The following CMPK1 variants were observed in gnomAD, a reference collection of about 807,000 sequenced individuals.
The protein encoded by CMPK1 is cytidine/uridine monophosphate kinase 1.
Under a neutral mutation model 25.7 loss-of-function variants are expected in CMPK1, and 10 were observed. The ratio of observed to expected loss-of-function variants is 0.39; its 90% CI spans 0.24 to 0.66. The LOEUF (loss-of-function observed/expected upper bound fraction) is 0.66. Ranked by LOEUF, CMPK1 falls within the 30% of genes least tolerant of loss-of-function variation. The pLI is 0.48. For missense variants in CMPK1, 199 were observed against 280.5 expected (o/e 0.71, Z 2.08); for synonymous variants, 106 against 101.5 (o/e 1.04, Z -0.27).
chr1:47,368,203 C>CA (rs1172837634), intron 1 of CMPK1, among the ~76,000 whole-genome samples: 1 of 152,092 alleles, frequency 6.6e-6, no homozygotes, highest in African/African-American at 2.4e-5. Context: ...CTCAGCCTCC[C>CA]AAATTGTTGG....
intron 1 of CMPK1, among the ~76,000 whole-genome samples, chr1:47,357,090 A>C (rs974121306): frequency 6.6e-6 from 1 of 151,174 alleles, no homozygotes; most frequent in African/African-American, 2.4e-5. Flanking sequence ...CAGCCTCCTG[A>C]GTAGCTGGGA....
intron 1 of CMPK1, among the ~76,000 whole-genome samples, chr1:47,337,646 C>T (rs1289750897): frequency 6.7e-6 from 1 of 149,864 alleles, no homozygotes; most frequent in Admixed American, 6.7e-5. Context: ...CGAAGTGTCA[C>T]GCTGTCGGCC....
chr1:47,338,517 C>G (rs112327124), intron 1 of CMPK1, among the ~76,000 whole-genome samples: 1 of 57,264 alleles, frequency 1.7e-5, no homozygotes, highest in Non-Finnish European at 4.7e-5. Context: ...CCTTCCTTCC[C>G]TCCCTCCCTC....
intron 1 of CMPK1, among the ~76,000 whole-genome samples, chr1:47,361,451 G>C (rs1646601480): frequency 6.6e-6 from 1 of 152,136 alleles, no homozygotes; most frequent in African/African-American, 2.4e-5. Context: ...GCGAACTATA[G>C]GACACAAAGA....
At position 47,376,885 on chromosome 1, in the gene CMPK1, A is replaced by T. The variant is rs913620566; in HGVS notation, c.*140A>T. 7 of 494,922 alleles carry T rather than the reference A, an allele frequency of 1.4e-5. No homozygotes were observed. The highest frequency in any genetic ancestry group is 1.4e-4 in the African/African-American group (7 of 50,348). The allele number at this position is 494,922 out of a possible 1,614,324, so 30.7% of individuals were successfully genotyped here. ...TGGAAAGTACATGGTAAAACAAAGT[A>T]AATTTTTTTATGTTCTTTTTTTTGG... On this transcript the variant is annotated 3_prime_UTR_variant, in exon 6 of 6. Coordinates refer to ENST00000371873, the MANE Select transcript of CMPK1 (RefSeq NM_016308.3).
chr1:47,369,433 A>G (rs1646661375), intron 2 of CMPK1, among the ~76,000 whole-genome samples: 1 of 152,242 alleles, frequency 6.6e-6, no homozygotes. Context: ...AGGATCACCT[A>G]TAGCTCAACT....
intron 1 of CMPK1, among the ~76,000 whole-genome samples, chr1:47,365,793 C>A (rs557294124): frequency 6.6e-6 from 1 of 151,938 alleles, no homozygotes; most frequent in African/African-American, 2.4e-5. Context: ...GTGCATGATC[C>A]GTAAAGGTTA....
At chr1:47,369,910 T>TC (rs35124142) in intron 2 of CMPK1, among the ~76,000 whole-genome samples, 93 of 9,210 alleles carry the variant, frequency 0.01, no homozygotes, top group African/African-American at 0.012. Flanking sequence ...TTTCTCTCTC[T>TC]TTTTTTTTTT....
In CMPK1 at chr1:47,376,956, T is replaced by C. The variant is rs1646712181; in HGVS notation, c.*211T>C. On this transcript the variant is annotated 3_prime_UTR_variant, in exon 6 of 6. Transcript: ENST00000371873. The stretch of plus-strand genomic sequence containing the variant: ...TTCAGGTTTAACTTCACCTTAGTTA[T>C]GGTGCTCACCAAACGAAGGGTATCA... 2 of 411,936 alleles carry C rather than the reference T, an allele frequency of 4.9e-6. No individual in the cohort carries two copies. The highest frequency in any genetic ancestry group is 8.7e-6 in the Non-Finnish European group (2 of 230,578). The allele number at this position is 411,936 out of a possible 1,614,324, so 25.5% of individuals were successfully genotyped here. A position where few individuals can be genotyped will look rare whatever the true frequency, so the allele number is the denominator to read the frequency against.
In CMPK1 at chr1:47,378,547, C is replaced by T. The variant is rs1294762411; in HGVS notation, c.*1802C>T. Reference sequence around the variant, plus strand: ...GGTATCTTTCTGTGGCATTTGAGAACAGAAACCAAGAAACATGGTAATTAC... The same window carrying T: ...GGTATCTTTCTGTGGCATTTGAGAATAGAAACCAAGAAACATGGTAATTAC... On this transcript the variant is annotated 3_prime_UTR_variant, in exon 6 of 6. Coordinates refer to ENST00000371873, the MANE Select transcript of CMPK1 (RefSeq NM_016308.3). 1 of 152,142 alleles carries T rather than the reference C, an allele frequency of 6.6e-6. No individual in the cohort carries two copies. Among genetic ancestry groups the T allele is most frequent in the African/African-American group, 2.4e-5 (1 of 41,430 alleles). 9.4% of individuals were successfully genotyped at this position (152,142 alleles called of 1,614,324 possible).
chr1:47,366,886 G>C (rs1272928144), intron 1 of CMPK1, among the ~76,000 whole-genome samples: 2 of 152,038 alleles, frequency 1.3e-5, no homozygotes, highest in African/African-American at 4.8e-5. Context: ...AACCACACCT[G>C]GCTAATTTTT....
At chr1:47,361,684 C>G in intron 1 of CMPK1, among the ~76,000 whole-genome samples, 1 of 150,918 alleles carries the variant, frequency 6.6e-6, no homozygotes, top group East Asian at 1.9e-4. Flanking sequence ...GCCCTGAGCC[C>G]CGGACCTGTA....
intron 1 of CMPK1, among the ~76,000 whole-genome samples, chr1:47,343,257 G>T (rs1245273436): frequency 2.0e-5 from 3 of 151,668 alleles, no homozygotes; most frequent in Admixed American, 6.6e-5. Context: ...AAAGTGCTGG[G>T]ATTACAGGCA....
chr1:47,352,483 GAA>G (rs1370507469), intron 1 of CMPK1, among the ~76,000 whole-genome samples: 2 of 146,484 alleles, frequency 1.4e-5, no homozygotes, highest in East Asian at 4.3e-4. Flanking sequence ...TTGGGAGTGG[GAA>G]AGAGACGGGG....
intron 1 of CMPK1, among the ~76,000 whole-genome samples, chr1:47,347,672 C>A (rs1468588949): frequency 6.6e-6 from 1 of 152,184 alleles, no homozygotes; most frequent in Admixed American, 6.6e-5. Context: ...GTCATCCAGG[C>A]TGGAGTGCAG....
At chr1:47,361,388 C>T (rs975560260) in intron 1 of CMPK1, among the ~76,000 whole-genome samples, 4 of 151,932 alleles carry the variant, frequency 2.6e-5, no homozygotes, top group Non-Finnish European at 5.9e-5. Context: ...GACTCTATCT[C>T]AAAAATAAAT....
intron 1 of CMPK1, among the ~76,000 whole-genome samples, chr1:47,343,451 T>G (rs2149325810): frequency 6.6e-6 from 1 of 151,100 alleles, no homozygotes; most frequent in African/African-American, 2.4e-5. Context: ...GACGTCGTAG[T>G]GAGCCAAGAC....
rs1293470537 is a variant in CMPK1, at chr1:47,355,867, A to G, written c.172-12602A>G. Among the ~76,000 whole-genome samples the G allele has an allele frequency of 3.9e-5, 6 of 152,286 alleles. No homozygotes were observed. In the South Asian group the frequency reaches 1.2e-3, roughly 32 times the overall value. Reference sequence around the variant, plus strand: ...TGATTAGCCCACCTCAGCCTCCCAAAGTGCTGGGATTACAGGTGTGAGCCA... The same window carrying G: ...TGATTAGCCCACCTCAGCCTCCCAAGGTGCTGGGATTACAGGTGTGAGCCA... On this transcript the variant is annotated intron_variant, in intron 1 of 5. Coordinates refer to ENST00000371873, the MANE Select transcript of CMPK1 (RefSeq NM_016308.3).
chr1:47,362,739 A>G (rs908373975), intron 1 of CMPK1, among the ~76,000 whole-genome samples: 5 of 152,254 alleles, frequency 3.3e-5, no homozygotes, highest in African/African-American at 1.2e-4. Context: ...ATACTTTAAT[A>G]TGTGGATTTG....
Sources: gnomAD v4.1 joint callset for allele counts (sites outside exome capture counted in the v4.1 genomes callset) on GRCh38, gnomAD v4.1.1 for gene constraint, MANE v1.5 for transcripts, NCBI Gene and HGNC (gene_info 2026-07-23, HGNC 2026-07-21) for gene names.